Variants in SS18 observed in about 807,000 individuals in gnomAD.
SS18 encodes the protein SS18 subunit of BAF chromatin remodeling complex.
A neutral mutation model predicts 72.5 loss-of-function variants in SS18; 28 were observed. The observed-to-expected ratio is 0.39, with a 90% CI of 0.29 to 0.53. The LOEUF (loss-of-function observed/expected upper bound fraction) is 0.53. SS18 is among the 20% of genes least tolerant of loss of function. The probability of loss-of-function intolerance (pLI) is 0.76; values close to 1 mark genes in which losing one functional copy is unlikely to be tolerated. For synonymous variants in SS18, 172 were observed against 164.2 expected, an observed-to-expected ratio of 1.05 and a Z score of -0.37; for missense variants, 518 against 535.3, an observed-to-expected ratio of 0.97 and a Z score of 0.32.
intron 3 of SS18, among the ~76,000 whole-genome samples, chr18:26,068,002 C>T (rs2054249287): frequency 6.6e-6 from 1 of 152,160 alleles, no homozygotes; most frequent in Non-Finnish European, 1.5e-5. Flanking sequence ...ATAGGGTTCA[C>T]CTTCCTGAGA....
At chr18:26,018,430 G>A in intron 10 of SS18, 50 bp from the exon 11 acceptor site, 1 of 1,356,298 alleles carries the variant, frequency 7.4e-7, no homozygotes, top group Non-Finnish European at 1.0e-6. Context: ...GACCATAACA[G>A]GCAAAGAAGA....
At chr18:26,048,375 T>C (rs1256011559) in intron 5 of SS18, among the ~76,000 whole-genome samples, 2 of 152,214 alleles carry the variant, frequency 1.3e-5, no homozygotes, top group Non-Finnish European at 2.9e-5. Context: ...CTTTGTTGTA[T>C]TATAATACAT....
At chr18:26,042,636 C>CA (rs34743017) in intron 5 of SS18, among the ~76,000 whole-genome samples, 4,215 of 93,518 alleles carry the variant, frequency 0.045, 161 homozygotes, top group African/African-American at 0.12. Context: ...AGTCAGTGGT[C>CA]AAAAAAAAAA....
At chr18:26,058,065 T>G (rs1057487794) in intron 3 of SS18, among the ~76,000 whole-genome samples, 4 of 152,268 alleles carry the variant, frequency 2.6e-5, no homozygotes, top group African/African-American at 7.2e-5. Context: ...CTTTCATTAT[T>G]GATGTATTGG....
At chr18:26,036,230 T>C (rs191350504) in intron 7 of SS18, among the ~76,000 whole-genome samples, 23 of 152,236 alleles carry the variant, frequency 1.5e-4, no homozygotes, top group Admixed American at 1.3e-3. Context: ...AATAAAAGTC[T>C]TTCACATGTA....
intron 5 of SS18, among the ~76,000 whole-genome samples, chr18:26,041,992 C>CT (rs1272234011): frequency 6.6e-6 from 1 of 152,012 alleles, no homozygotes; most frequent in Non-Finnish European, 1.5e-5. Flanking sequence ...ATGCAGTCAG[C>CT]TAACACTACT....
intron 5 of SS18, among the ~76,000 whole-genome samples, chr18:26,052,158 A>T (rs2053934142): frequency 6.6e-6 from 1 of 152,224 alleles, no homozygotes; most frequent in South Asian, 2.1e-4. Flanking sequence ...CCACTCTAAG[A>T]CAAGTACAGC....
Position 26,057,633 on chromosome 18 carries a change from G to C in SS18, c.341C>G (p.Pro114Arg), listed in dbSNP as rs755884213. The change falls in exon 4 of 11, where the codon CCT becomes CGT. Residue 114 changes from proline to arginine, a missense_variant. Pro to Arg is a moderately radical substitution (Grantham distance 103). Coordinates refer to ENST00000415083, the MANE Select transcript of SS18 (RefSeq NM_001007559.3). ...CTGGTTCTGCATGTGCGGTGCAGGAGGACCCCCACCTACCATTCCATCTGA... is the reference window on the plus strand; with the variant it reads ...CTGGTTCTGCATGTGCGGTGCAGGACGACCCCCACCTACCATTCCATCTGA... ...MPSDGMVGGG[P>R]PAPHMQNQMN... The C allele has an allele frequency of 6.2e-7, 1 of 1,613,994 alleles. No homozygotes were observed. Among genetic ancestry groups the C allele is most frequent in the African/African-American group, 1.3e-5 (1 of 74,908 alleles).
Position 26,035,693 on chromosome 18 carries a change from G to T in SS18, c.973+138C>A. The T allele has an allele frequency of 2.2e-6, 1 of 454,278 alleles. No individual in the cohort carries two copies. The highest frequency in any genetic ancestry group is 3.4e-5 in the East Asian group (1 of 29,366). The allele number at this position is 454,278 out of a possible 1,614,324, so 28.1% of individuals were successfully genotyped here. A position where few individuals can be genotyped will look rare whatever the true frequency, so the allele number is the denominator to read the frequency against. Reference sequence around the variant, plus strand: ...TAAGGAAATTATTTTGATTGTTTTGGGCTCCCTGCAACTTTCAAGAAAGCC... The same window carrying T: ...TAAGGAAATTATTTTGATTGTTTTGTGCTCCCTGCAACTTTCAAGAAAGCC... On this transcript the variant is annotated intron_variant, in intron 8 of 10. Coordinates refer to ENST00000415083, the MANE Select transcript of SS18 (RefSeq NM_001007559.3). The surrounding 1 kb of genome is among the most constrained non-coding windows in gnomAD (Gnocchi z 4.4).
intron 9 of SS18, among the ~76,000 whole-genome samples, chr18:26,033,508 G>A (rs114202080): frequency 0.021 from 2,976 of 140,986 alleles, 89 homozygotes; most frequent in African/African-American, 0.076. Flanking sequence ...GTGAAACTCC[G>A]TCCAAAAAAA....
intron 3 of SS18, chr18:26,064,860 AC>A (rs2054184705): frequency 6.6e-6 from 1 of 152,068 alleles, no homozygotes; most frequent in Admixed American, 6.5e-5. Context: ...TGCATAGAAA[AC>A]CCAAGAGAAC....
At chr18:26,059,931 CA>C (rs1278352462) in intron 3 of SS18, among the ~76,000 whole-genome samples, 1 of 152,194 alleles carries the variant, frequency 6.6e-6, no homozygotes, top group Non-Finnish European at 1.5e-5. Context: ...ATAGAAATTG[CA>C]ACTCTCATAT....
At chr18:26,088,756 C>T (rs189814024) in intron 1 of SS18, among the ~76,000 whole-genome samples, 200 of 152,226 alleles carry the variant, frequency 1.3e-3, no homozygotes, top group South Asian at 4.4e-3. Flanking sequence ...AGAACCTGCC[C>T]CACCCTACCA....
Position 26,052,641 on chromosome 18 carries a change from C to T in SS18, c.590G>A (p.Ser197Asn), listed in dbSNP as rs780234275. The change falls in exon 5 of 11, where the codon AGT (serine) becomes AAT (asparagine). Residue 197 changes from serine (S) to asparagine (N), a missense_variant. Transcript: ENST00000415083. ...MGNYGPRPNM[S>N]MQPNQGPMMH... ...TTAGTTACCTTGGTTTGGCTGCATA[C>T]TCATATTTGGTCTGGGACCATAGTT... is the stretch of plus-strand genomic sequence containing the variant. 38 of 1,613,908 alleles carry T rather than the reference C, an allele frequency of 2.4e-5. 3 individuals carry two copies. In the South Asian group the frequency reaches 4.1e-4, roughly 17 times the overall value.
intron 4 of SS18, among the ~76,000 whole-genome samples, chr18:26,054,203 G>C (rs2053973816): frequency 6.6e-6 from 1 of 152,170 alleles, no homozygotes; most frequent in Non-Finnish European, 1.5e-5. Context: ...GTTCAATACA[G>C]TCACAATTTG....
intron 3 of SS18, among the ~76,000 whole-genome samples, chr18:26,077,706 G>C (rs1488814100): frequency 1.3e-5 from 2 of 152,104 alleles, no homozygotes; most frequent in Non-Finnish European, 2.9e-5. Context: ...AACTTAGTTG[G>C]GTATGAGAAT....
intron 2 of SS18, among the ~76,000 whole-genome samples, chr18:26,080,995 C>T (rs1359952821): frequency 6.6e-6 from 1 of 150,382 alleles, no homozygotes; most frequent in Non-Finnish European, 1.5e-5. Context: ...GCCCTAATAC[C>T]TCCAAATCAT....
chr18:26,027,189 C>T (rs1009794976), intron 10 of SS18, among the ~76,000 whole-genome samples: 9 of 152,138 alleles, frequency 5.9e-5, no homozygotes, highest in African/African-American at 2.2e-4. Flanking sequence ...GATTATAAAA[C>T]TTATTTTAAA....
intron 2 of SS18, among the ~76,000 whole-genome samples, chr18:26,080,035 G>A (rs1177951552): frequency 2.0e-5 from 3 of 151,618 alleles, no homozygotes; most frequent in South Asian, 2.1e-4. Context: ...AATGCTTTGC[G>A]TCACATGGAC....
Sources: allele counts gnomAD v4.1 joint callset (sites outside exome capture counted in the v4.1 genomes callset), GRCh38; gene constraint gnomAD v4.1.1; non-coding constraint Gnocchi (gnomAD v3.1); transcripts MANE v1.5; gene names NCBI Gene and HGNC (gene_info 2026-07-23, HGNC 2026-07-21).